DYNC1I1: variants seen among roughly 807,000 people sequenced by gnomAD.
DYNC1I1 encodes dynein cytoplasmic 1 intermediate chain 1.
A neutral mutation model predicts 86.6 loss-of-function variants in DYNC1I1; 43 were observed. The observed-to-expected ratio is 0.50, with a 90% CI of 0.39 to 0.64. The LOEUF is 0.64. Among genes scored for constraint, DYNC1I1 ranks in the 30% least tolerant of loss-of-function variants. The probability of loss-of-function intolerance (pLI) is 0.00; values close to 1 mark genes in which losing one functional copy is unlikely to be tolerated. For synonymous variants in DYNC1I1, 262 were observed against 283.7 expected (o/e 0.92, Z 0.77); for missense variants, 604 against 788.8 (o/e 0.77, Z 2.81).
At chr7:95,997,623 G>GTA (rs1554429167) in intron 10 of DYNC1I1, among the ~76,000 whole-genome samples, 2 of 146,212 alleles carry the variant, frequency 1.4e-5, no homozygotes, top group Non-Finnish European at 3.0e-5. Flanking sequence ...GTGTGTGTGT[G>GTA]TATCTTTGGG....
At chr7:95,841,079 C>CT (rs1332903755) in intron 5 of DYNC1I1, among the ~76,000 whole-genome samples, 1 of 152,154 alleles carries the variant, frequency 6.6e-6, no homozygotes, top group Admixed American at 6.5e-5. Flanking sequence ...TTGCTTTACT[C>CT]TTTGTCACCT....
intron 15 of DYNC1I1, among the ~76,000 whole-genome samples, chr7:96,077,850 A>G (rs1292826850): frequency 1.3e-5 from 2 of 152,198 alleles, no homozygotes; most frequent in Non-Finnish European, 2.9e-5. Context: ...ATTGATAAAT[A>G]TAATTTTTTC....
chr7:96,048,738 G>A (rs1202602793), intron 14 of DYNC1I1, among the ~76,000 whole-genome samples: 1 of 152,154 alleles, frequency 6.6e-6, no homozygotes, highest in African/African-American at 2.4e-5. Flanking sequence ...ACAGGAGAAT[G>A]AAAACTATTG....
At chr7:96,088,817 C>T (rs1790757921) in intron 16 of DYNC1I1, among the ~76,000 whole-genome samples, 3 of 152,136 alleles carry the variant, frequency 2.0e-5, no homozygotes, top group Admixed American at 6.5e-5. Context: ...GTGAATGAAT[C>T]ATTATATTTC....
chr7:95,998,893 T>G (rs1427139011), intron 10 of DYNC1I1, among the ~76,000 whole-genome samples: 1 of 152,194 alleles, frequency 6.6e-6, no homozygotes, highest in African/African-American at 2.4e-5. Context: ...CTGACAAGCT[T>G]TTTGCCTACT....
chr7:96,051,958 T>TA (rs1416957770), intron 14 of DYNC1I1, among the ~76,000 whole-genome samples: 1 of 152,178 alleles, frequency 6.6e-6, no homozygotes, highest in East Asian at 1.9e-4. Context: ...ATACAATGAT[T>TA]AAAAAATTTA....
chr7:95,910,304 C>A (rs767551208), intron 6 of DYNC1I1, among the ~76,000 whole-genome samples: 1 of 152,182 alleles, frequency 6.6e-6, no homozygotes, highest in Non-Finnish European at 1.5e-5. Context: ...TGAAATAATA[C>A]AGCTTCCTAA....
chr7:95,877,096 C>G (rs146613931), intron 6 of DYNC1I1, among the ~76,000 whole-genome samples: 75 of 152,278 alleles, frequency 4.9e-4, no homozygotes, highest in African/African-American at 1.6e-3. Flanking sequence ...CAGCAGAAAA[C>G]ACAGGGCTAC....
intron 6 of DYNC1I1, among the ~76,000 whole-genome samples, chr7:95,897,904 T>C (rs1790929574): frequency 6.6e-6 from 1 of 152,216 alleles, no homozygotes; most frequent in Admixed American, 6.5e-5. Flanking sequence ...CAGACACATC[T>C]TTTGGCAGCA....
At chr7:95,936,609 T>C (rs929134719) in intron 6 of DYNC1I1, among the ~76,000 whole-genome samples, 3 of 151,916 alleles carry the variant, frequency 2.0e-5, no homozygotes, top group African/African-American at 7.2e-5. Flanking sequence ...GTACTGTAAT[T>C]AGTACATTTT....
intron 5 of DYNC1I1, among the ~76,000 whole-genome samples, chr7:95,861,837 C>G (rs1789889522): frequency 1.3e-5 from 2 of 152,128 alleles, no homozygotes; most frequent in Non-Finnish European, 2.9e-5. Context: ...TGGGGTCTCT[C>G]CCCTTGAATC....
chr7:96,055,047 G>A (rs4305826), intron 14 of DYNC1I1, among the ~76,000 whole-genome samples: 38,436 of 152,022 alleles, frequency 0.25, 5,242 homozygotes, highest in African/African-American at 0.35. Context: ...GCCCATGCCT[G>A]TGTCCTGAAT....
At chr7:95,993,095 A>C (rs1793771379) in intron 9 of DYNC1I1, among the ~76,000 whole-genome samples, 1 of 152,206 alleles carries the variant, frequency 6.6e-6, no homozygotes. Context: ...ACAACACTTA[A>C]GATTAAATAA....
chr7:95,850,900 T>C (rs1490084274), intron 5 of DYNC1I1, among the ~76,000 whole-genome samples: 1 of 152,186 alleles, frequency 6.6e-6, no homozygotes, highest in African/African-American at 2.4e-5. Flanking sequence ...GGGGCCATTA[T>C]TAAGTAAAAT....
rs1169495069 is a variant in DYNC1I1, at chr7:96,078,887, A to G, written c.1651-1476A>G. On this transcript the variant is annotated intron_variant, in intron 15 of 16. Coordinates refer to ENST00000447467, the MANE Select transcript of DYNC1I1 (RefSeq NM_001135556.2). ...AATAAAGTGTATTGACAGCATTATGATCCATCTAAATTCACATTGTTTCAG... is the reference window on the plus strand; with the variant it reads ...AATAAAGTGTATTGACAGCATTATGGTCCATCTAAATTCACATTGTTTCAG... Among the ~76,000 whole-genome samples, 8 of 152,228 alleles carry G rather than the reference A, an allele frequency of 5.3e-5. No individual in the cohort carries two copies. The East Asian group carries it at 1.5e-3, about 29-fold the overall frequency.
intron 5 of DYNC1I1, among the ~76,000 whole-genome samples, chr7:95,828,382 C>T (rs1795248876): frequency 6.6e-6 from 1 of 152,066 alleles, no homozygotes; most frequent in Admixed American, 6.6e-5. Context: ...CAAACATAAA[C>T]CCACACATCT....
intron 6 of DYNC1I1, among the ~76,000 whole-genome samples, chr7:95,954,035 G>A (rs1274436154): frequency 6.6e-6 from 1 of 151,960 alleles, no homozygotes; most frequent in African/African-American, 2.4e-5. Flanking sequence ...TCACTGCTCT[G>A]GAAACAGCCC....
intron 7 of DYNC1I1, among the ~76,000 whole-genome samples, chr7:95,980,707 T>C (rs1056337401): frequency 1.3e-5 from 2 of 152,092 alleles, no homozygotes; most frequent in African/African-American, 4.8e-5. Context: ...GTTTCACTTT[T>C]TTCTGCCATA....
At chr7:95,909,390 C>G (rs1791268993) in intron 6 of DYNC1I1, among the ~76,000 whole-genome samples, 1 of 151,996 alleles carries the variant, frequency 6.6e-6, no homozygotes, top group Non-Finnish European at 1.5e-5. Context: ...TGTCCAGATT[C>G]CATTTTGTAT....
Sources: allele counts gnomAD v4.1 joint callset (sites outside exome capture counted in the v4.1 genomes callset), GRCh38; gene constraint gnomAD v4.1.1; transcripts MANE v1.5; gene names NCBI Gene and HGNC (gene_info 2026-07-23, HGNC 2026-07-21).